USP53: variants seen among roughly 807,000 people sequenced by gnomAD.
USP53 encodes ubiquitin specific peptidase 53.
USP53 carries 71 observed loss-of-function variants against 94.9 expected under a neutral mutation model. The ratio of observed to expected loss-of-function variants is 0.75; its 90% confidence interval spans 0.62 to 0.91. The LOEUF is 0.91. USP53 is among the 40% of genes least tolerant of loss of function. The probability of loss-of-function intolerance (pLI) is 0.00; values close to 1 mark genes in which losing one functional copy is unlikely to be tolerated. For missense variants in USP53, 1,173 were observed against 1,281.0 expected, an observed-to-expected ratio of 0.92 and a Z score of 1.29; for synonymous variants, 375 against 422.7, an observed-to-expected ratio of 0.89 and a Z score of 1.39.
At chr4:119,255,118 C>T (rs574270082) in intron 7 of USP53, among the ~76,000 whole-genome samples, 27 of 152,134 alleles carry the variant, frequency 1.8e-4, no homozygotes, top group South Asian at 1.2e-3. Flanking sequence ...GAGGGGCACC[C>T]GCCTGTATGA....
intron 9 of USP53, among the ~76,000 whole-genome samples, chr4:119,258,378 G>A (rs1750037613): frequency 6.6e-6 from 1 of 152,140 alleles, no homozygotes; most frequent in Non-Finnish European, 1.5e-5. Context: ...CTATTGAACT[G>A]TAAAATATAT....
chr4:119,269,160 C>G (rs1751540376), intron 14 of USP53, among the ~76,000 whole-genome samples: 2 of 152,144 alleles, frequency 1.3e-5, no homozygotes, highest in South Asian at 4.1e-4. Context: ...TATTGATACT[C>G]TTAGATTCAG....
At chr4:119,289,202 T>C (rs1028971610) in intron 17 of USP53, among the ~76,000 whole-genome samples, 5 of 152,118 alleles carry the variant, frequency 3.3e-5, no homozygotes, top group African/African-American at 9.7e-5. Context: ...CAAAAAGATG[T>C]GCAAATGAAG....
In USP53 at chr4:119,256,533, TA is replaced by T. The variant is rs1561268806; in HGVS notation, c.569+11del. 2 of 1,612,718 alleles carry T rather than the reference TA, an allele frequency of 1.2e-6. No individual in the cohort carries two copies. The highest frequency in any genetic ancestry group is 1.7e-6 in the Non-Finnish European group (2 of 1,178,726). ...CTACAACAGCCTTATGGTAAGAACC[TA>T]TTAAAGCTTAATTATCAACGATATT... On this transcript the variant is annotated intron_variant, in intron 9 of 18. Coordinates refer to ENST00000692078, the MANE Select transcript of USP53 (RefSeq NM_001371395.1).
At chr4:119,225,228 T>A (rs13106878) in intron 3 of USP53, among the ~76,000 whole-genome samples, 13,615 of 152,200 alleles carry the variant, frequency 0.089, 818 homozygotes, top group Non-Finnish European at 0.13. Context: ...AGACACAAAC[T>A]ATGAAAGCTC....
chr4:119,286,659 G>GT (rs1246721309), intron 17 of USP53, among the ~76,000 whole-genome samples: 2 of 151,880 alleles, frequency 1.3e-5, no homozygotes, highest in Non-Finnish European at 2.9e-5. Flanking sequence ...CTTGTTTCTT[G>GT]TTTGTGAATA....
chr4:119,274,589 T>G (rs1752342652), intron 17 of USP53, among the ~76,000 whole-genome samples: 1 of 151,758 alleles, frequency 6.6e-6, no homozygotes. Context: ...CAGCATGATT[T>G]ATAGTCATTT....
chr4:119,237,729 G>A (rs1007702133), intron 4 of USP53, among the ~76,000 whole-genome samples: 2 of 152,114 alleles, frequency 1.3e-5, no homozygotes, highest in Non-Finnish European at 1.5e-5. Context: ...GTTGATGACT[G>A]TTTCTTCAAC....
Position 119,216,251 on chromosome 4 carries a change from C to G in USP53, c.-788-1299C>G, listed in dbSNP as rs184146187. 1.2e-3 allele frequency among the ~76,000 whole-genome samples: 185 copies of G among 152,126 alleles called. 3 individuals are homozygous for G. The East Asian group carries it at 0.032, about 26-fold the overall frequency. ...CAAAAATTAGCCAGGCGTGGTGGTGCACACCTGTGGTCCCAGCTACTAAGG... is the reference window on the plus strand; with the variant it reads ...CAAAAATTAGCCAGGCGTGGTGGTGGACACCTGTGGTCCCAGCTACTAAGG... On this transcript the variant is annotated intron_variant, in intron 2 of 18. Coordinates refer to ENST00000692078, the MANE Select transcript of USP53 (RefSeq NM_001371395.1).
chr4:119,240,906 G>T (rs74607567), intron 5 of USP53, among the ~76,000 whole-genome samples: 7,041 of 152,210 alleles, frequency 0.046, 221 homozygotes, highest in Middle Eastern at 0.085. Context: ...CTGGCTCAAA[G>T]ATCCCACTGA....
At chr4:119,257,409 C>T (rs922656269) in intron 9 of USP53, among the ~76,000 whole-genome samples, 3 of 152,174 alleles carry the variant, frequency 2.0e-5, no homozygotes, top group African/African-American at 7.2e-5. Context: ...CACTGCACTC[C>T]AGCCTGGGTG....
chr4:119,268,526 A>G (rs914870093), intron 14 of USP53, 106 bp downstream of exon 14: 1 of 1,139,092 alleles, frequency 8.8e-7, no homozygotes, highest in Non-Finnish European at 1.2e-6. Context: ...AAAAGATAAT[A>G]ACAAATAGAT....
At chr4:119,235,663 T>G (rs1010661979) in intron 4 of USP53, among the ~76,000 whole-genome samples, 2 of 152,152 alleles carry the variant, frequency 1.3e-5, no homozygotes, top group African/African-American at 4.8e-5. Context: ...CTTTTCTCTT[T>G]GTTCACATTT....
chr4:119,291,906 A>G (rs1754804212), intron 18 of USP53, among the ~76,000 whole-genome samples: 1 of 152,126 alleles, frequency 6.6e-6, no homozygotes, highest in African/African-American at 2.4e-5. Context: ...CTATACTGCT[A>G]TATATCAAAA....
chr4:119,262,922 C>T (rs557395223), intron 12 of USP53, among the ~76,000 whole-genome samples: 50 of 152,278 alleles, frequency 3.3e-4, no homozygotes, highest in Non-Finnish European at 5.7e-4. Flanking sequence ...TTAAGTTCTA[C>T]AGGAAATTCA....
At chr4:119,268,560 T>A in intron 14 of USP53, 140 bp downstream of exon 14, 1 of 854,840 alleles carries the variant, frequency 1.2e-6, no homozygotes, top group East Asian at 2.8e-5. Flanking sequence ...TTTTGATTTA[T>A]GCATTTCTCT....
chr4:119,239,295 T>A lies in USP53; in HGVS notation c.-465T>A. 1 of 149,252 alleles carries A rather than the reference T, an allele frequency of 6.7e-6. No individual in the cohort carries two copies. The highest frequency in any genetic ancestry group is 6.8e-5 in the Admixed American group (1 of 14,710). 9.2% of individuals were successfully genotyped at this position (149,252 alleles called of 1,614,324 possible). A position where few individuals can be genotyped will look rare whatever the true frequency, so the allele number is the denominator to read the frequency against. ...CACCTGGGAAAGAGAGAGAAAACTT[T>A]CTTGTTAAAAAAACATAAGGAAAAC... On this transcript the variant is annotated 5_prime_UTR_variant, in exon 5 of 19. Coordinates refer to ENST00000692078, the MANE Select transcript of USP53 (RefSeq NM_001371395.1).
At chr4:119,216,032 G>C (rs1743696823) in intron 2 of USP53, among the ~76,000 whole-genome samples, 1 of 152,076 alleles carries the variant, frequency 6.6e-6, no homozygotes, top group Non-Finnish European at 1.5e-5. Context: ...AAACATTATT[G>C]ACCTCCTATT....
At chr4:119,249,011 A>G in intron 7 of USP53, 129 bp downstream of exon 7, 1 of 1,132,954 alleles carries the variant, frequency 8.8e-7, no homozygotes, top group Non-Finnish European at 1.2e-6. Context: ...CAGTAGATCC[A>G]TATCTTACCC....
Sources: allele counts gnomAD v4.1 joint callset (sites outside exome capture counted in the v4.1 genomes callset), GRCh38; gene constraint gnomAD v4.1.1; transcripts MANE v1.5; gene names NCBI Gene and HGNC (gene_info 2026-07-23, HGNC 2026-07-21).